The following SEPSECS variants were observed in gnomAD, a reference collection of about 807,000 sequenced individuals.
SEPSECS encodes O-phosphoseryl-tRNA(Sec) selenium transferase.
A neutral mutation model predicts 52.1 loss-of-function variants in SEPSECS; 42 were observed. That is an observed-to-expected ratio of 0.81 (90% CI 0.63 to 1.04). The LOEUF is 1.04. Among genes scored for constraint, SEPSECS ranks in the 50% least tolerant of loss-of-function variants. The probability of loss-of-function intolerance (pLI) is 0.00; values close to 1 mark genes in which losing one functional copy is unlikely to be tolerated. For synonymous variants in SEPSECS, 216 were observed against 211.4 expected (o/e 1.02, Z -0.19); for missense variants, 590 against 610.6 (o/e 0.97, Z 0.36).
intron 1 of SEPSECS, chr4:25,159,949 CT>C (rs1365572949): frequency 1.0e-6 from 1 of 985,266 alleles, no homozygotes; most frequent in East Asian, 1.1e-4. Flanking sequence ...GAACTTTGCC[CT>C]TTCCGCGAAT....
chr4:25,127,367 C>A lies in SEPSECS; in HGVS notation c.1027-10G>T. ...AATATGAAAACATTTCCTGCAACAA[C>A]AAAATGTCACATTTAAAACAAATCA... On this transcript the variant is annotated splice_polypyrimidine_tract_variant and intron_variant, in intron 8 of 10. Coordinates refer to ENST00000382103, the MANE Select transcript of SEPSECS (RefSeq NM_016955.4). 1 of 1,583,492 alleles carries A rather than the reference C, an allele frequency of 6.3e-7. No individual in the cohort carries two copies. The highest frequency in any genetic ancestry group is 2.2e-5 in the East Asian group (1 of 44,660).
chr4:25,145,227 A>C, intron 6 of SEPSECS, 94 bp from the exon 7 acceptor site: 2 of 1,303,524 alleles, frequency 1.5e-6, no homozygotes, highest in Non-Finnish European at 2.2e-6. Context: ...TAACTATTTG[A>C]GTTAATTAAT....
Position 25,158,937 on chromosome 4 carries a change from A to G in SEPSECS, c.269+16T>C, listed in dbSNP as rs530231934. On this transcript the variant is annotated intron_variant, in intron 2 of 10. Coordinates refer to ENST00000382103, the MANE Select transcript of SEPSECS (RefSeq NM_016955.4). ...AAATAAACGATGTATCTCCTGTACT[A>G]CTTAAAAAAAGATACCTGTAATGAC... 16 of 1,611,114 alleles carry G rather than the reference A, an allele frequency of 9.9e-6. No individual in the cohort carries two copies. Among genetic ancestry groups the G allele is most frequent in the African/African-American group, 2.7e-5 (2 of 74,986 alleles).
At chr4:25,124,377 C>A in intron 10 of SEPSECS, 152 bp from the exon 11 acceptor site, 1 of 698,194 alleles carries the variant, frequency 1.4e-6, no homozygotes. Context: ...TAGACTGTAT[C>A]GACTTTAAAA....
At position 25,160,342 on chromosome 4, in the gene SEPSECS, C is replaced by A; in HGVS notation, c.28G>T (p.Glu10Ter). ...ACGTAAGCCGGCGACACCAGCCGCT[C>A]TCCCGCCGCGAAGCTCTCGCGGTTC... MNRESFAAG[E>*]RLVSPAYVRQ... Residue 10 changes from glutamate to a stop codon, truncating the protein, a stop_gained, in exon 1 of 11, where the codon GAG becomes TAG. Transcript: ENST00000382103. LOFTEE classifies it high-confidence loss of function. 1 of 1,548,570 alleles carries A rather than the reference C, an allele frequency of 6.5e-7. No homozygotes were observed. The highest frequency in any genetic ancestry group is 8.7e-7 in the Non-Finnish European group (1 of 1,145,610).
chr4:25,145,207 C>CA (rs926879570), intron 6 of SEPSECS, 74 bp from the exon 7 acceptor site: 2 of 1,460,328 alleles, frequency 1.4e-6, no homozygotes, highest in African/African-American at 2.8e-5. Context: ...AATACCACAA[C>CA]AAAAAATTAT....
chr4:25,120,031 A>T lies in SEPSECS; in HGVS notation c.*3900T>A, dbSNP rs1176957980. The T allele has an allele frequency of 6.6e-6, 1 of 151,992 alleles. No individual in the cohort carries two copies. Among genetic ancestry groups the T allele is most frequent in the Non-Finnish European group, 1.5e-5 (1 of 67,948 alleles). The allele number at this position is 151,992 out of a possible 1,614,324, so 9.4% of individuals were successfully genotyped here. A position where few individuals can be genotyped will look rare whatever the true frequency, so the allele number is the denominator to read the frequency against. ...ACTGTCAGTGACTTATCAAAAATTTATTTCATATAATAAATTATATAATTT... is the reference window on the plus strand; with the variant it reads ...ACTGTCAGTGACTTATCAAAAATTTTTTTCATATAATAAATTATATAATTT... On this transcript the variant is annotated 3_prime_UTR_variant, in exon 11 of 11. Transcript: ENST00000382103.
intron 6 of SEPSECS, among the ~76,000 whole-genome samples, chr4:25,149,058 T>C (rs1712153668): frequency 6.6e-6 from 1 of 152,138 alleles, no homozygotes; most frequent in Non-Finnish European, 1.5e-5. Context: ...TATTGTATTC[T>C]GGAGCTTTTA....
At chr4:25,159,223 A>C (rs1357263220) in intron 1 of SEPSECS, 116 bp from the exon 2 acceptor site, 2 of 882,840 alleles carry the variant, frequency 2.3e-6, no homozygotes, top group East Asian at 5.3e-5. Context: ...TTGTTTTCTA[A>C]AATTCAAGCA....
chr4:25,135,148 A>C (rs556372351), intron 8 of SEPSECS, among the ~76,000 whole-genome samples: 20 of 152,256 alleles, frequency 1.3e-4, no homozygotes, highest in African/African-American at 4.6e-4. Context: ...AACTAAAAGA[A>C]GTAGACAACC....
At chr4:25,136,913 C>T (rs1728864250) in intron 8 of SEPSECS, among the ~76,000 whole-genome samples, 1 of 152,100 alleles carries the variant, frequency 6.6e-6, no homozygotes, top group Non-Finnish European at 1.5e-5. Flanking sequence ...TAAGACCACA[C>T]ATCTACAACC....
At chr4:25,150,656 G>A (rs1019785170) in intron 6 of SEPSECS, among the ~76,000 whole-genome samples, 1 of 151,970 alleles carries the variant, frequency 6.6e-6, no homozygotes, top group African/African-American at 2.4e-5. Context: ...TCAAAATGTA[G>A]AACATAGCAT....
At chr4:25,155,238 C>G (rs764838414) in intron 4 of SEPSECS, 87 bp from the exon 5 acceptor site, 17 of 1,371,754 alleles carry the variant, frequency 1.2e-5, no homozygotes, top group Non-Finnish European at 1.7e-5. Context: ...CTATTCTACA[C>G]AAGAACTCTT....
intron 6 of SEPSECS, among the ~76,000 whole-genome samples, chr4:25,145,717 G>A (rs1050027297): frequency 5.3e-5 from 8 of 152,102 alleles, no homozygotes; most frequent in Non-Finnish European, 1.0e-4. Context: ...CTGTGAGTTC[G>A]AGGGTGGCCA....
chr4:25,124,312 C>T, intron 10 of SEPSECS, 87 bp from the exon 11 acceptor site: 1 of 1,223,622 alleles, frequency 8.2e-7, no homozygotes, highest in Non-Finnish European at 1.2e-6. Context: ...GTTACAAAGC[C>T]TTACATCCAC....
intron 8 of SEPSECS, among the ~76,000 whole-genome samples, chr4:25,130,298 A>C (rs1171732021): frequency 1.3e-5 from 2 of 152,254 alleles, no homozygotes; most frequent in African/African-American, 4.8e-5. Context: ...TTTCTGAAAA[A>C]AGAGAAAATG....
In SEPSECS at chr4:25,127,272, A is replaced by G. The variant is rs773216141; in HGVS notation, c.1112T>C (p.Ile371Thr). 5.0e-6 allele frequency: 8 copies of G among 1,606,608 alleles called. No individual in the cohort carries two copies. The highest frequency in any genetic ancestry group is 1.3e-5 in the African/African-American group (1 of 74,784). The change falls in exon 9 of 11, where the codon ATA (isoleucine) becomes ACA (threonine). Residue 371 changes from isoleucine (I) to threonine (T), a missense_variant. Physicochemically the swap from Ile to Thr is moderately conservative, Grantham distance 89 (BLOSUM62 -1). Coordinates refer to ENST00000382103, the MANE Select transcript of SEPSECS (RefSeq NM_016955.4). ...AGGAAAAAAGAAATTACCTAAAGAT[A>G]TGGGATTGTGAGGTGTATGCAACAG... ...ERLLHTPHNPISLAMTLKTLD... is the reference protein window; with the variant it reads ...ERLLHTPHNPTSLAMTLKTLD...
intron 2 of SEPSECS, among the ~76,000 whole-genome samples, chr4:25,158,740 A>G (rs1347450508): frequency 6.6e-6 from 1 of 152,182 alleles, no homozygotes; most frequent in Non-Finnish European, 1.5e-5. Context: ...GGTAACCCCC[A>G]CTTAGTTTTT....
intron 9 of SEPSECS, 51 bp from the exon 10 acceptor site, chr4:25,125,835 T>C: frequency 9.1e-7 from 1 of 1,099,532 alleles, no homozygotes; most frequent in Non-Finnish European, 1.4e-6. Flanking sequence ...GGCATAAAAA[T>C]CACTCAAATA....
Sources: gnomAD v4.1 joint callset for allele counts (sites outside exome capture counted in the v4.1 genomes callset) on GRCh38, gnomAD v4.1.1 for gene constraint, MANE v1.5 for transcripts, NCBI Gene and HGNC (gene_info 2026-07-23, HGNC 2026-07-21) for gene names.